The following MDM1 variants were observed in gnomAD, a reference collection of about 807,000 sequenced individuals.
The protein encoded by MDM1 is Mdm1 nuclear protein.
Under a neutral mutation model 89.1 loss-of-function variants are expected in MDM1, and 61 were observed. The ratio of observed to expected loss-of-function variants is 0.68; its 90% CI spans 0.56 to 0.85. MDM1 has a LOEUF of 0.85. Ranked by LOEUF, MDM1 falls within the 40% of genes least tolerant of loss-of-function variation. The pLI, the probability that MDM1 is intolerant of heterozygous loss-of-function variation, is 0.00. For synonymous variants in MDM1, 290 were observed against 294.1 expected, an observed-to-expected ratio of 0.99 and a Z score of 0.14; for missense variants, 820 against 846.5, an observed-to-expected ratio of 0.97 and a Z score of 0.39.
intron 2 of MDM1, chr12:68,327,360 T>C (rs1876157833): frequency 2.0e-6 from 3 of 1,527,060 alleles, no homozygotes; most frequent in Non-Finnish European, 2.6e-6. Flanking sequence ...CGTTTCTAAT[T>C]ACTTTCCTGT....
rs768000485 is a variant in MDM1, at chr12:68,323,067, G to T, written c.801+6C>A. 1 of 1,592,892 alleles carries T rather than the reference G, an allele frequency of 6.3e-7. No individual in the cohort carries two copies. The highest frequency in any genetic ancestry group is 1.2e-5 in the South Asian group (1 of 86,310). ...TTGTTTTGTAAGGTTAAAAGTTGAT[G>T]AATACCTTCCTTTCAGGAGACACTG... is the stretch of plus-strand genomic sequence containing the variant. On this transcript the variant is annotated splice_donor_region_variant and intron_variant, in intron 5 of 14. Coordinates refer to ENST00000682720, the MANE Select transcript of MDM1 (RefSeq NM_001354969.2).
chr12:68,297,135 T>C (rs1294073417), intron 13 of MDM1, among the ~76,000 whole-genome samples, 153 bp from the exon 14 acceptor site: 1 of 152,182 alleles, frequency 6.6e-6, no homozygotes, highest in African/African-American at 2.4e-5. Flanking sequence ...ATGAAAAAGA[T>C]TTTATTAATT....
rs758149041 is a variant in MDM1 at position 68,295,370 on chromosome 12, C to CA, written c.2063-5dup. ...ATCTCAGACAATCTGTCCTCATCTGCAATGAAAAAATCCCGAGATTATATT... is the reference window on the plus strand; with the variant it reads ...ATCTCAGACAATCTGTCCTCATCTGCAAATGAAAAAATCCCGAGATTATATT... On this transcript the variant is annotated splice_region_variant and splice_polypyrimidine_tract_variant and intron_variant, in intron 14 of 14. Transcript: ENST00000682720. The CA allele has an allele frequency of 2.5e-5, 39 of 1,586,972 alleles. No homozygotes were observed. Among genetic ancestry groups the CA allele is most frequent in the Non-Finnish European group, 3.3e-5 (38 of 1,162,400 alleles).
intron 12 of MDM1, among the ~76,000 whole-genome samples, chr12:68,305,611 A>G (rs1872762064): frequency 6.6e-6 from 1 of 152,120 alleles, no homozygotes; most frequent in Admixed American, 6.6e-5. Context: ...CAAACCAATA[A>G]TTCAAGCTAA....
At chr12:68,295,737 T>C (rs967905113) in intron 14 of MDM1, among the ~76,000 whole-genome samples, 2 of 152,222 alleles carry the variant, frequency 1.3e-5, no homozygotes, top group African/African-American at 4.8e-5. Context: ...CAAAAAGCTT[T>C]TCTAAACTTT....
intron 12 of MDM1, among the ~76,000 whole-genome samples, chr12:68,303,475 T>A (rs1872500917): frequency 1.3e-5 from 2 of 152,176 alleles, no homozygotes; most frequent in African/African-American, 2.4e-5. Flanking sequence ...TTCTTTGACT[T>A]CTTTGACTAC....
At chr12:68,327,259 CA>C in intron 2 of MDM1, 2 of 1,406,220 alleles carry the variant, frequency 1.4e-6, no homozygotes, top group Non-Finnish European at 1.8e-6. Context: ...AATTAAAAAT[CA>C]GGGGGTCACA....
chr12:68,304,345 T>C (rs1186774641), intron 12 of MDM1, among the ~76,000 whole-genome samples: 1 of 152,234 alleles, frequency 6.6e-6, no homozygotes, highest in Admixed American at 6.5e-5. Flanking sequence ...TTGTAATTGT[T>C]GCCTTCACTT....
rs144239210 is a variant in MDM1, at chr12:68,327,650, G to A, written c.134-629C>T. On this transcript the variant is annotated intron_variant, in intron 2 of 14. Transcript: ENST00000682720. The stretch of plus-strand genomic sequence containing the variant: ...CTCTGCAGAATGACAGCCACTGAGA[G>A]ACTGCCCTAGTTTAGGGCCATTCTT... The A allele has an allele frequency of 1.1e-3, 809 of 767,874 alleles. 6 individuals are homozygous for A. The African/African-American group carries it at 0.013, about 12-fold the overall frequency. The allele number at this position is 767,874 out of a possible 1,614,324, so 47.6% of individuals were successfully genotyped here.
intron 7 of MDM1, among the ~76,000 whole-genome samples, chr12:68,317,100 C>T (rs1403775679): frequency 6.6e-6 from 1 of 151,626 alleles, no homozygotes; most frequent in Non-Finnish European, 1.5e-5. Flanking sequence ...ATCATAATTG[C>T]AATGTGTTCA....
At chr12:68,296,736 A>G (rs978485750) in intron 14 of MDM1, among the ~76,000 whole-genome samples, 187 bp downstream of exon 14, 3 of 152,188 alleles carry the variant, frequency 2.0e-5, no homozygotes, top group African/African-American at 7.2e-5. Context: ...ACAGTTTTTT[A>G]CCACTTTACT....
intron 12 of MDM1, among the ~76,000 whole-genome samples, chr12:68,305,354 G>A (rs945792579): frequency 6.6e-6 from 1 of 151,962 alleles, no homozygotes; most frequent in African/African-American, 2.4e-5. Context: ...CTAAGAACAA[G>A]ACAAGGATGC....
intron 3 of MDM1, 173 bp downstream of exon 3, chr12:68,326,484 A>G: frequency 6.6e-7 from 1 of 1,516,576 alleles, no homozygotes; most frequent in Admixed American, 2.2e-5. Flanking sequence ...GTCAGAATAG[A>G]ACTAATTCAC....
chr12:68,313,494 T>G lies in MDM1; in HGVS notation c.1698A>C (p.Lys566Asn). Residue 566 changes from lysine (K) to asparagine (N), a missense_variant, in exon 12 of 15, where the codon AAA becomes AAC. Transcript: ENST00000682720. ...KMKPPAPEQR[K>N]RMTSQDCLET... is the part of the protein sequence containing the mutation. ...CTAAACAATCCTGAGAGGTCATTCT[T>G]TTCCTCTGTTCTGGGGCTGGAGGCT... The G allele has an allele frequency of 6.2e-7, 1 of 1,614,136 alleles. No individual in the cohort carries two copies. The highest frequency in any genetic ancestry group is 8.5e-7 in the Non-Finnish European group (1 of 1,179,952).
intron 12 of MDM1, among the ~76,000 whole-genome samples, chr12:68,307,953 T>G (rs1338205263): frequency 2.1e-5 from 3 of 141,070 alleles, no homozygotes; most frequent in Middle Eastern, 7.4e-3. Context: ...AAAAAAAAAG[T>G]GAATATAAAA....
At chr12:68,325,677 C>T in intron 3 of MDM1, 102 bp from the exon 4 acceptor site, 2 of 1,366,830 alleles carry the variant, frequency 1.5e-6, no homozygotes, top group Admixed American at 2.9e-5. Context: ...ATCCTCTTAA[C>T]AAAATGTTAA....
chr12:68,303,017 T>C (rs2120799941), intron 12 of MDM1, 145 bp from the exon 13 acceptor site: 2 of 746,126 alleles, frequency 2.7e-6, no homozygotes, highest in African/African-American at 1.8e-5. Context: ...GTGGGGAAGA[T>C]ATGATATAGA....
In MDM1 at chr12:68,323,082, A is replaced by G. The variant is rs1182439162; in HGVS notation, c.792T>C (p.Pro264=). The change falls in exon 5 of 15, where the codon CCT becomes CCC. Residue 264 remains proline, a synonymous_variant. Coordinates refer to ENST00000682720, the MANE Select transcript of MDM1 (RefSeq NM_001354969.2). The part of the protein sequence containing the change: ...RENRNLETVS[P]ERKSNKIDDR... Reference sequence around the variant, plus strand: ...AAAAGTTGATGAATACCTTCCTTTCAGGAGACACTGTTTCAAGATTTCTGT... The same window carrying G: ...AAAAGTTGATGAATACCTTCCTTTCGGGAGACACTGTTTCAAGATTTCTGT... 6.2e-7 allele frequency: 1 copy of G among 1,605,406 alleles called. No individual in the cohort carries two copies. The highest frequency in any genetic ancestry group is 1.1e-5 in the South Asian group (1 of 88,668).
At position 68,315,185 on chromosome 12, in the gene MDM1, G is replaced by T. The variant is rs759732289; in HGVS notation, c.1292C>A (p.Pro431His). ...EEKGNIVEEQ[P>H]QKNTTEKLGV... The stretch of plus-strand genomic sequence containing the variant: ...CAATTTCTCCGTGGTATTTTTCTGG[G>T]GCTGTTCTTCCACGATATTTCCTTT... The change falls in exon 10 of 15, where the codon CCC becomes CAC. Residue 431 changes from proline to histidine, a missense_variant. By Grantham distance (77) the Pro-to-His change is moderately conservative. Coordinates refer to ENST00000682720, the MANE Select transcript of MDM1 (RefSeq NM_001354969.2). 6.2e-7 allele frequency: 1 copy of T among 1,614,022 alleles called. No homozygotes were observed. Among genetic ancestry groups the T allele is most frequent in the African/African-American group, 1.3e-5 (1 of 74,896 alleles).
Sources: gnomAD v4.1 joint callset for allele counts (sites outside exome capture counted in the v4.1 genomes callset) on GRCh38, gnomAD v4.1.1 for gene constraint, MANE v1.5 for transcripts, NCBI Gene and HGNC (gene_info 2026-07-23, HGNC 2026-07-21) for gene names.